The following CADM2 variants were observed in gnomAD, a reference collection of about 807,000 sequenced individuals.
CADM2 encodes the protein immunoglobulin superfamily member 4D.
CADM2 carries 12 observed loss-of-function variants against 49.8 expected under a neutral mutation model. The observed-to-expected ratio is 0.24, with a 90% CI of 0.15 to 0.39. The LOEUF is 0.39. Among genes scored for constraint, CADM2 ranks in the 10% least tolerant of loss-of-function variants. The pLI is 1.00. For missense variants in CADM2, 378 were observed against 492.3 expected, an observed-to-expected ratio of 0.77 and a Z score of 2.20; for synonymous variants, 214 against 175.4, an observed-to-expected ratio of 1.22 and a Z score of -1.74.
chr3:85,654,677 T>A (rs1334255650), intron 1 of CADM2, among the ~76,000 whole-genome samples: 2 of 152,150 alleles, frequency 1.3e-5, no homozygotes, highest in Non-Finnish European at 2.9e-5. Context: ...TGCCCATGAG[T>A]TTAAAATTGG....
At chr3:86,012,125 A>G (rs764525026) in intron 8 of CADM2, among the ~76,000 whole-genome samples, 1 of 152,110 alleles carries the variant, frequency 6.6e-6, no homozygotes, top group Non-Finnish European at 1.5e-5. Context: ...TGTTAAATAC[A>G]TATGCTTTCC....
chr3:85,196,861 A>G (rs2041356624), intron 1 of CADM2, among the ~76,000 whole-genome samples: 1 of 152,052 alleles, frequency 6.6e-6, no homozygotes, highest in Non-Finnish European at 1.5e-5. Context: ...ATAATGGTAG[A>G]CAAAGACCAT....
At chr3:85,739,790 G>A (rs781470765) in intron 2 of CADM2, among the ~76,000 whole-genome samples, 1 of 151,984 alleles carries the variant, frequency 6.6e-6, no homozygotes, top group African/African-American at 2.4e-5. Flanking sequence ...TATAACATAA[G>A]CTATTATTGG....
chr3:85,496,397 C>T (rs764575927), intron 1 of CADM2, among the ~76,000 whole-genome samples: 4 of 152,170 alleles, frequency 2.6e-5, no homozygotes, highest in Admixed American at 2.6e-4. Context: ...GGATGCATAG[C>T]GTTCCATGGT....
intron 1 of CADM2, among the ~76,000 whole-genome samples, chr3:85,337,873 G>T (rs149182069): frequency 6.6e-6 from 1 of 151,550 alleles, no homozygotes; most frequent in African/African-American, 2.4e-5. Context: ...ATAGTGTTAT[G>T]ACATTCATAT....
At chr3:85,132,572 T>TAAGATAATGAG (rs144284343) in intron 1 of CADM2, among the ~76,000 whole-genome samples, 15,853 of 152,026 alleles carry the variant, frequency 0.1, 1,785 homozygotes, top group African/African-American at 0.28. Flanking sequence ...TGCTCATTTG[T>TAAGATAATGAG]ATAAGAATTA....
intron 1 of CADM2, among the ~76,000 whole-genome samples, chr3:85,596,687 A>T (rs1443799625): frequency 6.6e-6 from 1 of 152,078 alleles, no homozygotes; most frequent in East Asian, 1.9e-4. Context: ...CCATCATCTC[A>T]AAAAGTTCTA....
intron 2 of CADM2, among the ~76,000 whole-genome samples, chr3:85,766,305 G>T (rs1303777263): frequency 6.6e-6 from 1 of 151,994 alleles, no homozygotes; most frequent in Admixed American, 6.6e-5. Context: ...TCCATAAAAG[G>T]AAAAATTGAG....
chr3:85,803,680 C>A (rs564853053), intron 3 of CADM2, among the ~76,000 whole-genome samples: 2 of 152,230 alleles, frequency 1.3e-5, no homozygotes, highest in South Asian at 2.1e-4. Context: ...GGGAGAATTT[C>A]TTCTTCCTTA....
intron 1 of CADM2, among the ~76,000 whole-genome samples, chr3:85,420,321 A>G (rs1048235620): frequency 2.6e-5 from 4 of 152,216 alleles, no homozygotes; most frequent in African/African-American, 9.7e-5. Flanking sequence ...ATTTTCTGAA[A>G]TATGTGTCAC....
intron 1 of CADM2, among the ~76,000 whole-genome samples, chr3:85,131,840 GCTAAATAACTGGA>G (rs1221859257): frequency 6.6e-6 from 1 of 151,374 alleles, no homozygotes; most frequent in Non-Finnish European, 1.5e-5. Flanking sequence ...ATTAAATTCT[GCTAAATAACTGGA>G]CTATTTGTAT....
At chr3:85,545,359 T>C (rs1268895501) in intron 1 of CADM2, among the ~76,000 whole-genome samples, 1 of 152,220 alleles carries the variant, frequency 6.6e-6, no homozygotes, top group Non-Finnish European at 1.5e-5. Flanking sequence ...TCTCTTTCAA[T>C]TTTTAAAACA....
rs1255277909 is a variant in CADM2, at chr3:86,069,893, G to T, written c.*3110G>T. 1 of 151,892 alleles carries T rather than the reference G, an allele frequency of 6.6e-6. No homozygotes were observed. Among genetic ancestry groups the T allele is most frequent in the Non-Finnish European group, 1.5e-5 (1 of 67,860 alleles). 9.4% of individuals were successfully genotyped at this position (151,892 alleles called of 1,614,324 possible). A position where few individuals can be genotyped will look rare whatever the true frequency, so the allele number is the denominator to read the frequency against. On this transcript the variant is annotated 3_prime_UTR_variant, in exon 10 of 10. Coordinates refer to ENST00000383699, the MANE Select transcript of CADM2 (RefSeq NM_001167675.2). The stretch of plus-strand genomic sequence containing the variant: ...ATAGGATTATTATCAAAAGTAGGAG[G>T]AAAAAGAAATGTTTGTGAGTGCAAG...
intron 8 of CADM2, among the ~76,000 whole-genome samples, chr3:86,000,838 C>T (rs952542942): frequency 6.6e-6 from 1 of 151,932 alleles, no homozygotes; most frequent in African/African-American, 2.4e-5. Flanking sequence ...AGTTTTTATC[C>T]TAGGAGTGAT....
rs914356483 is a variant in CADM2 at position 85,511,919 on chromosome 3, G to C, written c.62-214603G>C. 7 of 945,662 alleles carry C rather than the reference G, an allele frequency of 7.4e-6. No homozygotes were observed. The African/African-American group carries it at 1.1e-4, about 14-fold the overall frequency. The allele number at this position is 945,662 out of a possible 1,614,324, so 58.6% of individuals were successfully genotyped here. A position where few individuals can be genotyped will look rare whatever the true frequency, so the allele number is the denominator to read the frequency against. ...TCAAGGTAAAACAAGAAAAAGTGGT[G>C]AAATTATATCTTATAGCAATGTTCA... On this transcript the variant is annotated intron_variant, in intron 1 of 9. Coordinates refer to ENST00000383699, the MANE Select transcript of CADM2 (RefSeq NM_001167675.2).
intron 2 of CADM2, among the ~76,000 whole-genome samples, chr3:85,734,749 T>G (rs935989925): frequency 6.7e-6 from 1 of 148,278 alleles, no homozygotes; most frequent in African/African-American, 2.5e-5. Flanking sequence ...TATACATACA[T>G]ATATGTATAT....
chr3:85,953,030 A>G (rs1462094804), intron 7 of CADM2, among the ~76,000 whole-genome samples: 1 of 150,238 alleles, frequency 6.7e-6, no homozygotes, highest in Non-Finnish European at 1.5e-5. Context: ...TTTCCCCCAC[A>G]CCTGTACCCC....
At chr3:85,171,325 TTATTC>T (rs1307201433) in intron 1 of CADM2, among the ~76,000 whole-genome samples, 1 of 152,192 alleles carries the variant, frequency 6.6e-6, no homozygotes, top group Non-Finnish European at 1.5e-5. Context: ...ACTTTTGACT[TTATTC>T]TATTAAATCA....
At chr3:86,035,753 C>A (rs1735078709) in intron 8 of CADM2, among the ~76,000 whole-genome samples, 3 of 152,070 alleles carry the variant, frequency 2.0e-5, no homozygotes. Context: ...GTCAACCCAG[C>A]AATCTTCCTA....
Sources: gnomAD v4.1 joint callset for allele counts (sites outside exome capture counted in the v4.1 genomes callset) on GRCh38, gnomAD v4.1.1 for gene constraint, MANE v1.5 for transcripts, NCBI Gene and HGNC (gene_info 2026-07-23, HGNC 2026-07-21) for gene names.